Variants in HDAC9 observed in about 807,000 individuals in gnomAD.
HDAC9 encodes histone deacetylase 9, also known as MEF-2 interacting transcription repressor (MITR) protein.
HDAC9 carries 41 observed loss-of-function variants against 139.4 expected under a neutral mutation model. The observed-to-expected ratio is 0.29, with a 90% CI of 0.23 to 0.38. HDAC9 has a LOEUF of 0.38. Among genes scored for constraint, HDAC9 ranks in the 10% least tolerant of loss-of-function variants. HDAC9 has a pLI of 1.00. For synonymous variants in HDAC9, 517 were observed against 476.2 expected (o/e 1.09, Z -1.12); for missense variants, 1,147 against 1,297.0 (o/e 0.88, Z 1.78).
chr7:18,341,402 A>G (rs1781999651), intron 1 of HDAC9, among the ~76,000 whole-genome samples: 1 of 151,706 alleles, frequency 6.6e-6, no homozygotes, highest in Non-Finnish European at 1.5e-5. Flanking sequence ...ACATGTTGAC[A>G]ATTCTCTCTT....
At chr7:18,787,870 C>A (rs556957942) in intron 16 of HDAC9, among the ~76,000 whole-genome samples, 24 of 152,296 alleles carry the variant, frequency 1.6e-4, no homozygotes, top group African/African-American at 5.5e-4. Flanking sequence ...AATCTATCAG[C>A]CTCTTCCAGT....
intron 16 of HDAC9, among the ~76,000 whole-genome samples, chr7:18,784,656 A>G (rs1029379300): frequency 1.3e-5 from 2 of 151,798 alleles, no homozygotes; most frequent in Non-Finnish European, 2.9e-5. Flanking sequence ...CATTTAATTC[A>G]TGTTCTTAAC....
At chr7:18,499,084 G>A (rs1443756992) in intron 2 of HDAC9, among the ~76,000 whole-genome samples, 2 of 145,884 alleles carry the variant, frequency 1.4e-5, no homozygotes, top group Non-Finnish European at 3.0e-5. Context: ...GTGTGTATGT[G>A]TGTGTGTGTG....
At chr7:18,940,496 T>C (rs1221570278) in intron 23 of HDAC9, among the ~76,000 whole-genome samples, 1 of 152,178 alleles carries the variant, frequency 6.6e-6, no homozygotes, top group Non-Finnish European at 1.5e-5. Flanking sequence ...ATGATGAATA[T>C]TTTTGATCTT....
intron 1 of HDAC9, among the ~76,000 whole-genome samples, chr7:18,100,540 A>AC (rs1206198411): frequency 2.0e-5 from 3 of 152,128 alleles, no homozygotes; most frequent in Non-Finnish European, 4.4e-5. Context: ...CAAGTTCATT[A>AC]CCAAGTAGTC....
chr7:18,819,377 T>A (rs1350913491), intron 17 of HDAC9, among the ~76,000 whole-genome samples: 1 of 152,216 alleles, frequency 6.6e-6, no homozygotes, highest in Non-Finnish European at 1.5e-5. Context: ...TTTATTTGCC[T>A]AGGCAGAGTT....
intron 17 of HDAC9, among the ~76,000 whole-genome samples, chr7:18,819,937 A>AAT (rs1345556026): frequency 0.019 from 2,857 of 152,318 alleles, 97 homozygotes; most frequent in African/African-American, 0.065. Flanking sequence ...AATAAAATAT[A>AAT]AAGCAAAGAG....
intron 3 of HDAC9, among the ~76,000 whole-genome samples, chr7:18,588,256 G>T (rs1475129280): frequency 1.3e-5 from 2 of 151,862 alleles, no homozygotes; most frequent in African/African-American, 2.4e-5. Context: ...AGAGTTTTAG[G>T]CACCTAATGT....
intron 2 of HDAC9, among the ~76,000 whole-genome samples, chr7:18,255,171 C>T (rs1795151054): frequency 6.6e-6 from 1 of 152,044 alleles, no homozygotes; most frequent in African/African-American, 2.4e-5. Context: ...TAGGTGTTTT[C>T]AGGATATTAA....
chr7:18,984,083 A>G (rs1785132847), intron 25 of HDAC9, among the ~76,000 whole-genome samples: 1 of 152,060 alleles, frequency 6.6e-6, no homozygotes, highest in Admixed American at 6.6e-5. Flanking sequence ...GCATTACTCC[A>G]CAGGACATAA....
At chr7:18,907,433 A>G (rs1226716794) in intron 22 of HDAC9, among the ~76,000 whole-genome samples, 1 of 152,256 alleles carries the variant, frequency 6.6e-6, no homozygotes, top group Non-Finnish European at 1.5e-5. Context: ...AGAGGGGCAC[A>G]TTATAAGATG....
Position 18,123,673 on chromosome 7 carries a change from A to T in HDAC9, c.-97+36460A>T, listed in dbSNP as rs575807972. 1.2e-4 allele frequency among the ~76,000 whole-genome samples: 19 copies of T among 152,292 alleles called. No homozygotes were observed. The East Asian group carries it at 3.7e-3, about 29-fold the overall frequency. On this transcript the variant is annotated intron_variant, in intron 1 of 12. Coordinates refer to the HDAC9 transcript ENST00000417496. ...TCCCTAAGATGTATCTTTGGTTCCCATGACCTGGGGTGAAGCAGTATGAAG... is the reference window on the plus strand; with the variant it reads ...TCCCTAAGATGTATCTTTGGTTCCCTTGACCTGGGGTGAAGCAGTATGAAG...
chr7:18,434,953 C>G (rs1791036078), intron 1 of HDAC9, among the ~76,000 whole-genome samples: 1 of 141,498 alleles, frequency 7.1e-6, no homozygotes, highest in Non-Finnish European at 1.5e-5. Flanking sequence ...ATGTTTGTCA[C>G]AGAACTATTG....
intron 2 of HDAC9, among the ~76,000 whole-genome samples, chr7:18,571,968 C>CT (rs756527482): frequency 0.11 from 16,093 of 142,154 alleles, 875 homozygotes; most frequent in South Asian, 0.16. Context: ...ACCAATGAAA[C>CT]TTTTTTTTTT....
intron 21 of HDAC9, among the ~76,000 whole-genome samples, chr7:18,838,970 A>C (rs907829989): frequency 6.6e-6 from 1 of 151,974 alleles, no homozygotes; most frequent in Non-Finnish European, 1.5e-5. Context: ...AAGATTTCAC[A>C]TTTACTGTAA....
chr7:18,443,444 A>T (rs1335488657), intron 1 of HDAC9, among the ~76,000 whole-genome samples: 1 of 152,184 alleles, frequency 6.6e-6, no homozygotes, highest in Non-Finnish European at 1.5e-5. Context: ...GCACCTCATA[A>T]AAGTAAATAG....
At chr7:18,993,224 G>A (rs1460654597) in intron 25 of HDAC9, among the ~76,000 whole-genome samples, 1 of 149,184 alleles carries the variant, frequency 6.7e-6, no homozygotes, top group African/African-American at 2.5e-5. Flanking sequence ...CCCAATGGCA[G>A]ATATAAATAA....
intron 1 of HDAC9, among the ~76,000 whole-genome samples, chr7:18,091,511 G>A (rs1228041892): frequency 2.0e-5 from 3 of 152,212 alleles, no homozygotes; most frequent in Admixed American, 6.5e-5. Context: ...AAGGTATTCA[G>A]TAGCAAGTCA....
intron 3 of HDAC9, among the ~76,000 whole-genome samples, chr7:18,586,576 C>T (rs1315781847): frequency 6.6e-6 from 1 of 151,988 alleles, no homozygotes; most frequent in African/African-American, 2.4e-5. Flanking sequence ...AATTTTACCA[C>T]ATTAATATGA....
Sources: allele counts gnomAD v4.1 joint callset (sites outside exome capture counted in the v4.1 genomes callset), GRCh38; gene constraint gnomAD v4.1.1; transcripts MANE v1.5; gene names NCBI Gene and HGNC (gene_info 2026-07-23, HGNC 2026-07-21).